The following SUPT6H variants were observed in gnomAD, a reference collection of about 807,000 sequenced individuals.
SUPT6H encodes SPT6 homolog, histone chaperone and transcription elongation factor, also known as transcription elongation factor SPT6.
A neutral mutation model predicts 222.3 loss-of-function variants in SUPT6H; 11 were observed. That is an observed-to-expected ratio of 0.05 (90% CI 0.03 to 0.08). The LOEUF is 0.08. Ranked by LOEUF, SUPT6H falls within the 10% of genes least tolerant of loss-of-function variation. The pLI is 1.00. For synonymous variants in SUPT6H, 762 were observed against 801.2 expected, an observed-to-expected ratio of 0.95 and a Z score of 0.83; for missense variants, 1,422 against 2,216.0, an observed-to-expected ratio of 0.64 and a Z score of 7.19.
intron 6 of SUPT6H, among the ~76,000 whole-genome samples, 177 bp downstream of exon 6, chr17:28,675,662 A>T (rs1361983338): frequency 6.6e-6 from 1 of 152,188 alleles, no homozygotes; most frequent in East Asian, 1.9e-4. Context: ...AAGCCCTGGG[A>T]GCTGTCTCTG....
chr17:28,671,406 C>G (rs1438902621), intron 1 of SUPT6H, among the ~76,000 whole-genome samples: 1 of 152,162 alleles, frequency 6.6e-6, no homozygotes, highest in East Asian at 1.9e-4. Flanking sequence ...ATTAGTCTCT[C>G]TATTGGATAT....
chr17:28,684,760 C>G, intron 18 of SUPT6H, 35 bp downstream of exon 18: 6 of 1,613,214 alleles, frequency 3.7e-6, no homozygotes, highest in Non-Finnish European at 5.1e-6. Context: ...AGCACCATCT[C>G]TTGTCTTCCT....
Position 28,678,072 on chromosome 17 carries a change from G to A in SUPT6H, c.1000-4G>A, listed in dbSNP as rs1334425306. The A allele has an allele frequency of 1.2e-6, 2 of 1,612,688 alleles. No individual in the cohort carries two copies. Among genetic ancestry groups the A allele is most frequent in the Non-Finnish European group, 1.7e-6 (2 of 1,178,908 alleles). On this transcript the variant is annotated splice_polypyrimidine_tract_variant and splice_region_variant and intron_variant, in intron 8 of 36. Transcript: ENST00000314616. Reference sequence around the variant, plus strand: ...CTTGCTATTTCTTTATTTTCCTACTGTAGGAAAGCTGTGATTACCTAGACC... The same window carrying A: ...CTTGCTATTTCTTTATTTTCCTACTATAGGAAAGCTGTGATTACCTAGACC...
chr17:28,663,828 A>ATTTTTGTTTTTTTTTTT (rs2072113862), intron 1 of SUPT6H, among the ~76,000 whole-genome samples: 1 of 38,374 alleles, frequency 2.6e-5, no homozygotes, highest in African/African-American at 9.6e-5. Context: ...TGCCCACTCC[A>ATTTTTGTTTTTTTTTTT]TTTTTTTTTT....
chr17:28,690,371 A>C, intron 26 of SUPT6H, 142 bp downstream of exon 26: 1 of 1,052,284 alleles, frequency 9.5e-7, no homozygotes, highest in East Asian at 2.6e-5. Context: ...AAGACTAAAG[A>C]GTCCTGGACT....
chr17:28,680,632 C>T (rs1467358471), intron 11 of SUPT6H, among the ~76,000 whole-genome samples: 1 of 152,062 alleles, frequency 6.6e-6, no homozygotes, highest in East Asian at 1.9e-4. Context: ...CTAGGGCTAT[C>T]ATGTGTCTTG....
At chr17:28,683,569 G>C in intron 16 of SUPT6H, 52 bp from the exon 17 acceptor site, 1 of 1,593,334 alleles carries the variant, frequency 6.3e-7, no homozygotes, top group Non-Finnish European at 8.6e-7. Context: ...CATGGACATT[G>C]GGTGTCACCT....
chr17:28,682,092 C>G, intron 13 of SUPT6H, 112 bp downstream of exon 13: 2 of 814,322 alleles, frequency 2.5e-6, no homozygotes, highest in Non-Finnish European at 3.9e-6. Flanking sequence ...AATCACCAAT[C>G]CAATCCTGAA....
intron 22 of SUPT6H, 26 bp downstream of exon 22, chr17:28,687,251 C>T (rs751191064): frequency 1.1e-5 from 18 of 1,613,928 alleles, no homozygotes; most frequent in Admixed American, 1.0e-4. Flanking sequence ...CAGGCAGGCT[C>T]GGGTGAAGGG....
intron 32 of SUPT6H, among the ~76,000 whole-genome samples, chr17:28,698,802 C>T (rs895563471): frequency 1.1e-4 from 17 of 152,234 alleles, no homozygotes; most frequent in African/African-American, 3.1e-4. Flanking sequence ...GACTCTGTAC[C>T]GTGTGCCATC....
rs1464870503 is a variant in SUPT6H, at chr17:28,682,037, C to CAGAAAAAAGACTGGTAGGT, written c.1597+60_1597+78dup. The CAGAAAAAAGACTGGTAGGT allele has an allele frequency of 2.8e-6, 4 of 1,427,412 alleles. No individual in the cohort carries two copies. In the East Asian group the frequency reaches 9.5e-5, roughly 34 times the overall value. The allele number at this position is 1,427,412 out of a possible 1,614,324, so 88.4% of individuals were successfully genotyped here. On this transcript the variant is annotated intron_variant, in intron 13 of 36. Transcript: ENST00000314616. ...TCTAGCCTGAGCAAGGGGAGTTACC[C>CAGAAAAAAGACTGGTAGGT]AGAAAAAAGACTGGTAGGTAGGAAA...
At chr17:28,699,694 C>G in intron 32 of SUPT6H, 87 bp from the exon 33 acceptor site, 1 of 1,092,820 alleles carries the variant, frequency 9.2e-7, no homozygotes. Flanking sequence ...CCCAGAATGG[C>G]TACTTCACAT....
At chr17:28,673,020 G>A (rs151159502) in intron 1 of SUPT6H, among the ~76,000 whole-genome samples, 19 of 151,940 alleles carry the variant, frequency 1.3e-4, no homozygotes, top group African/African-American at 3.9e-4. Context: ...GCATGGTGGC[G>A]CATGCCTATA....
chr17:28,681,964 C>T lies in SUPT6H; in HGVS notation c.1581C>T (p.Cys527=). 1 of 1,605,922 alleles carries T rather than the reference C, an allele frequency of 6.2e-7. No homozygotes were observed. The highest frequency in any genetic ancestry group is 8.5e-7 in the Non-Finnish European group (1 of 1,177,342). ...QASRRDMYTI[C]QSAGLDGLAK... ...CTCGCCGAGACATGTACACCATCTG[C>T]CAGAGTGCTGGGCTAGGTAAAAGCT... The change falls in exon 13 of 37, where the codon TGC becomes TGT. Residue 527 remains cysteine, a synonymous_variant. Transcript: ENST00000314616.
chr17:28,696,563 G>A (rs540733780), intron 29 of SUPT6H, among the ~76,000 whole-genome samples: 1 of 150,148 alleles, frequency 6.7e-6, no homozygotes, highest in African/African-American at 2.5e-5. Context: ...ACTACAACGT[G>A]GGTGACAAAA....
chr17:28,665,640 G>A (rs1051534249), intron 1 of SUPT6H, among the ~76,000 whole-genome samples: 3 of 152,152 alleles, frequency 2.0e-5, no homozygotes, highest in African/African-American at 4.8e-5. Flanking sequence ...GTGGGTGCCT[G>A]TAATCCCAGC....
intron 20 of SUPT6H, 29 bp from the exon 21 acceptor site, chr17:28,686,623 CAT>C (rs1292287877): frequency 6.4e-7 from 1 of 1,559,162 alleles, no homozygotes; most frequent in Admixed American, 2.0e-5. Context: ...CCTAAGAAAA[CAT>C]ATTCATTGAC....
Position 28,699,804 on chromosome 17 carries a change from C to T in SUPT6H, c.4472C>T (p.Pro1491Leu). The T allele has an allele frequency of 6.2e-7, 1 of 1,614,134 alleles. No individual in the cohort carries two copies. Among genetic ancestry groups the T allele is most frequent in the African/African-American group, 1.3e-5 (1 of 75,030 alleles). Reference sequence around the variant, plus strand: ...AGGATAGAATATGTAACGGTGACTCCAGAGGGATTCCGGTACCGGGGCCAG... The same window carrying T: ...AGGATAGAATATGTAACGGTGACTCTAGAGGGATTCCGGTACCGGGGCCAG... ...KPRIEYVTVT[P>L]EGFRYRGQIF... is the part of the protein sequence containing the mutation. Residue 1491 changes from proline to leucine, a missense_variant, in exon 33 of 37, where the codon CCA becomes CTA. Pro to Leu is a moderately conservative substitution (Grantham distance 98). This residue lies in a region of SUPT6H where 395 missense variants were observed against 580.6 expected (regional missense o/e 0.68). Transcript: ENST00000314616.
At position 28,674,530 on chromosome 17, in the gene SUPT6H, T is replaced by C; in HGVS notation, c.269-7T>C. ...CCATCACCATGGGCAACACTTTGTT[T>C]CTTCAGCCTCTTTTGATGACCGCCT... On this transcript the variant is annotated splice_polypyrimidine_tract_variant and splice_region_variant and intron_variant, in intron 3 of 36. Transcript: ENST00000314616. 29 of 1,614,212 alleles carry C rather than the reference T, an allele frequency of 1.8e-5. No individual in the cohort carries two copies. Among genetic ancestry groups the C allele is most frequent in the Non-Finnish European group, 2.3e-5 (27 of 1,180,034 alleles).
Sources: gnomAD v4.1 joint callset for allele counts (sites outside exome capture counted in the v4.1 genomes callset) on GRCh38, gnomAD v4.1.1 for gene constraint, gnomAD v4.1.1 regional missense constraint, MANE v1.5 for transcripts, NCBI Gene and HGNC (gene_info 2026-07-23, HGNC 2026-07-21) for gene names.